KCNC3: variants seen among roughly 807,000 people sequenced by gnomAD.
The protein encoded by KCNC3 is voltage-gated potassium channel KCNC3.
A neutral mutation model predicts 43.9 loss-of-function variants in KCNC3; 22 were observed. That is an observed-to-expected ratio of 0.50 (90% CI 0.36 to 0.72). KCNC3 has a LOEUF of 0.72. KCNC3 is among the 30% of genes least tolerant of loss of function. The pLI, the probability that KCNC3 is intolerant of heterozygous loss-of-function variation, is 0.00. For missense variants in KCNC3, 829 were observed against 1,073.8 expected (o/e 0.77, Z 3.19); for synonymous variants, 492 against 488.0 (o/e 1.01, Z -0.11).
intron 4 of KCNC3, 78 bp from the exon 5 acceptor site, chr19:50,316,169 TG>T (rs1030298138): frequency 5.6e-6 from 2 of 357,806 alleles, no homozygotes; most frequent in Non-Finnish European, 5.2e-6. Flanking sequence ...GCCTCACTGT[TG>T]GGGGGATGGA....
Position 50,313,001 on chromosome 19 carries a change from C to G in KCNC3, c.*3114G>C, listed in dbSNP as rs2036899964. ...GCATCGAGAATCGTGCTCAGTGACG[C>G]CCCCCATCCACCCTCGGGTGGGGGG... On this transcript the variant is annotated 3_prime_UTR_variant, in exon 5 of 5. Coordinates refer to ENST00000477616, the MANE Select transcript of KCNC3 (RefSeq NM_004977.3). 2 of 152,028 alleles carry G rather than the reference C, an allele frequency of 1.3e-5. No homozygotes were observed. The highest frequency in any genetic ancestry group is 2.9e-5 in the Non-Finnish European group (2 of 68,000). 9.4% of individuals were successfully genotyped at this position (152,028 alleles called of 1,614,324 possible).
chr19:50,323,944 T>A lies in KCNC3; in HGVS notation c.1009A>T (p.Ile337Phe), dbSNP rs1029753390. Reference protein sequence around the residue: ...SPIPGAPPENITNVEVETEPF... With the variant: ...SPIPGAPPENFTNVEVETEPF... The stretch of plus-strand genomic sequence containing the variant: ...TCCGTCTCCACCTCCACGTTGGTGA[T>A]GTTCTCCGGAGGTGCCCCGGGGATC... The change falls in exon 2 of 5, where the codon ATC becomes TTC. Residue 337 changes from isoleucine to phenylalanine, a missense_variant. Transcript: ENST00000477616. 6.2e-7 allele frequency: 1 copy of A among 1,614,044 alleles called. No homozygotes were observed. The highest frequency in any genetic ancestry group is 1.3e-5 in the African/African-American group (1 of 74,918).
chr19:50,318,969 A>G (rs925099713), intron 4 of KCNC3, among the ~76,000 whole-genome samples: 12 of 128,110 alleles, frequency 9.4e-5, no homozygotes, highest in Non-Finnish European at 1.6e-4. Flanking sequence ...ACTCCAGCCC[A>G]GGTGACATAG....
chr19:50,320,324 G>A lies in KCNC3; in HGVS notation c.2196C>T (p.Pro732=), dbSNP rs375488867. The A allele has an allele frequency of 1.4e-3, 614 of 433,202 alleles. 3 individuals are homozygous for A. The highest frequency in any genetic ancestry group is 0.012 in the African/African-American group (522 of 43,792). 26.8% of individuals were successfully genotyped at this position (433,202 alleles called of 1,614,324 possible). Residue 732 remains proline, a synonymous_variant, in exon 4 of 5, where the codon CCC becomes CCT. Coordinates refer to ENST00000477616, the MANE Select transcript of KCNC3 (RefSeq NM_004977.3). ...GGGGGCCTGGCTTACGCCAGTCTTG[G>A]GGGGGCAGTGGGGGAGCACCAGTGG... ...RKATGAPPLP[P]QDWRKPGPPS...
rs1403069648 is a variant in KCNC3, at chr19:50,328,967, T to G, written c.116A>C (p.Gln39Pro). The G allele has an allele frequency of 1.4e-5, 14 of 970,898 alleles. 1 individual carries two copies. The Admixed American group carries it at 1.6e-4, about 11-fold the overall frequency. The allele number at this position is 970,898 out of a possible 1,614,324, so 60.1% of individuals were successfully genotyped here. Reference protein sequence around the residue: ...ESPPPPPLPPQQQQPAQPGPA... With the variant: ...ESPPPPPLPPPQQQPAQPGPA... ...GCCGGGCTGCGCAGGCTGCTGCTGC[T>G]GCGGCGGCAGCGGTGGCGGCGGCGG... The change falls in exon 1 of 5, where the codon CAG becomes CCG. Residue 39 changes from glutamine to proline, a missense_variant. By Grantham distance (76) the Gln-to-Pro change is moderately conservative. Around this residue, in one of 7 missense-constraint regions of KCNC3, gnomAD observed 129 missense variants for 83.6 expected, o/e 1.54. Coordinates refer to ENST00000477616, the MANE Select transcript of KCNC3 (RefSeq NM_004977.3).
intron 4 of KCNC3, among the ~76,000 whole-genome samples, chr19:50,318,064 G>C (rs2036979140): frequency 6.6e-6 from 1 of 151,284 alleles, no homozygotes; most frequent in Non-Finnish European, 1.5e-5. Flanking sequence ...AAGTGCTGGG[G>C]TTATAGGCGG....
rs1410448238 is a variant in KCNC3, at chr19:50,322,864, C to T, written c.1978+111G>A. On this transcript the variant is annotated intron_variant, in intron 2 of 4. Transcript: ENST00000477616. Reference sequence around the variant, plus strand: ...GAGCTCCTGCTGTTGGTTTTTTTCTCCCTCACCTCTTCGACGCCAACCACC... The same window carrying T: ...GAGCTCCTGCTGTTGGTTTTTTTCTTCCTCACCTCTTCGACGCCAACCACC... 17 of 1,147,146 alleles carry T rather than the reference C, an allele frequency of 1.5e-5. No individual in the cohort carries two copies. The South Asian group carries it at 2.0e-4, about 14-fold the overall frequency. The allele number at this position is 1,147,146 out of a possible 1,614,324, so 71.1% of individuals were successfully genotyped here.
Position 50,324,347 on chromosome 19 carries a change from T to C in KCNC3, c.871-265A>G, listed in dbSNP as rs1173603941. Reference sequence around the variant, plus strand: ...CGCAGCAGATGGGCAGCTTCTTTCCTTGGAAACATTTCTGGCCCCTTGCTG... The same window carrying C: ...CGCAGCAGATGGGCAGCTTCTTTCCCTGGAAACATTTCTGGCCCCTTGCTG... On this transcript the variant is annotated intron_variant, in intron 1 of 4. Transcript: ENST00000477616. This position sits in a 1 kb window ranked among gnomAD's most constrained non-coding sequence, Gnocchi z 4.1. Among the ~76,000 whole-genome samples the C allele has an allele frequency of 3.3e-5, 5 of 152,208 alleles. No individual in the cohort carries two copies. Among genetic ancestry groups the C allele is most frequent in the African/African-American group, 1.2e-4 (5 of 41,464 alleles).
rs113602424 is a variant in KCNC3, at chr19:50,324,588, C to T, written c.871-506G>A. On this transcript the variant is annotated intron_variant, in intron 1 of 4. Transcript: ENST00000477616. This position sits in a 1 kb window ranked among gnomAD's most constrained non-coding sequence, Gnocchi z 4.1. Reference sequence around the variant, plus strand: ...GAATCGTGAGGTGGTTAAGAGTCGGCGAGCCTGGGCATGAATCTGGCTTTT... The same window carrying T: ...GAATCGTGAGGTGGTTAAGAGTCGGTGAGCCTGGGCATGAATCTGGCTTTT... 8.5e-5 allele frequency among the ~76,000 whole-genome samples: 13 copies of T among 152,146 alleles called. No individual in the cohort carries two copies. Among genetic ancestry groups the T allele is most frequent in the Admixed American group, 1.3e-4 (2 of 15,268 alleles).
chr19:50,317,421 C>T (rs2036971658), intron 4 of KCNC3, among the ~76,000 whole-genome samples: 1 of 152,104 alleles, frequency 6.6e-6, no homozygotes. Context: ...ATGGCATCTC[C>T]TTAGGCTGTG....
At position 50,313,140 on chromosome 19, in the gene KCNC3, A is replaced by AG. The variant is rs940251589; in HGVS notation, c.*2974dup. Reference sequence around the variant, plus strand: ...CCGGTGTGGTCTCTGGGCTTGGGGGAGGTAGCGCATCCTTGAGCCAGGATA... The same window carrying AG: ...CCGGTGTGGTCTCTGGGCTTGGGGGAGGGTAGCGCATCCTTGAGCCAGGATA... On this transcript the variant is annotated 3_prime_UTR_variant, in exon 5 of 5. Coordinates refer to ENST00000477616, the MANE Select transcript of KCNC3 (RefSeq NM_004977.3). 5 of 151,710 alleles carry AG rather than the reference A, an allele frequency of 3.3e-5. No individual in the cohort carries two copies. Among genetic ancestry groups the AG allele is most frequent in the African/African-American group, 1.2e-4 (5 of 41,338 alleles). The allele number at this position is 151,710 out of a possible 1,614,324, so 9.4% of individuals were successfully genotyped here. A position where few individuals can be genotyped will look rare whatever the true frequency, so the allele number is the denominator to read the frequency against.
rs569225021 is a variant in KCNC3 at position 50,321,186 on chromosome 19, A to G, written c.1979-402T>C. On this transcript the variant is annotated intron_variant, in intron 2 of 4. Coordinates refer to ENST00000477616, the MANE Select transcript of KCNC3 (RefSeq NM_004977.3). Reference sequence around the variant, plus strand: ...GATGCTGTTTAAAGATATGGTCTGGAGCTGGCCACATTGGCTCATGCCTAT... The same window carrying G: ...GATGCTGTTTAAAGATATGGTCTGGGGCTGGCCACATTGGCTCATGCCTAT... Among the ~76,000 whole-genome samples the G allele has an allele frequency of 1.5e-4, 23 of 152,016 alleles. No individual in the cohort carries two copies. The South Asian group carries it at 4.8e-3, about 32-fold the overall frequency.
At position 50,329,039 on chromosome 19, in the gene KCNC3, C is replaced by T. The variant is rs1385849306; in HGVS notation, c.44G>A (p.Gly15Glu). The T allele has an allele frequency of 4.4e-6, 6 of 1,350,716 alleles. No individual in the cohort carries two copies. The South Asian group carries it at 8.8e-5, about 20-fold the overall frequency. 83.7% of individuals were successfully genotyped at this position (1,350,716 alleles called of 1,614,324 possible). ...VCVSSFRGRQGASKQQPAPPP... is the reference protein window; with the variant it reads ...VCVSSFRGRQEASKQQPAPPP... ...TGGCGCCGGCTGCTGCTTGCTGGCCCCCTGGCGCCCGCGGAAGGACGAGAC... is the reference window on the plus strand; with the variant it reads ...TGGCGCCGGCTGCTGCTTGCTGGCCTCCTGGCGCCCGCGGAAGGACGAGAC... The change falls in exon 1 of 5, where the codon GGG becomes GAG. Residue 15 changes from glycine to glutamate, a missense_variant. Physicochemically the swap from Gly to Glu is moderately conservative, Grantham distance 98. This residue lies in a region of KCNC3 where 129 missense variants were observed against 83.6 expected (regional missense o/e 1.54). Transcript: ENST00000477616.
At chr19:50,332,637 T>G (rs2123556702), upstream of KCNC3, among the ~76,000 whole-genome samples, 1 of 152,188 alleles carries the variant, frequency 6.6e-6, no homozygotes, top group South Asian at 2.1e-4. This position sits in a 1 kb window ranked among gnomAD's most constrained non-coding sequence, Gnocchi z 5.8. Flanking sequence ...GGGCTCCAAA[T>G]ACTGGACACT....
In KCNC3 at chr19:50,314,912, G is replaced by A. The variant is rs879300084; in HGVS notation, c.*1203C>T. ...GCGGGCGGCCCGGGGAGAGCCAGGGGGGGTGGCAAGGGGCGCGAGGCGCAG... is the reference window on the plus strand; with the variant it reads ...GCGGGCGGCCCGGGGAGAGCCAGGGAGGGTGGCAAGGGGCGCGAGGCGCAG... On this transcript the variant is annotated 3_prime_UTR_variant, in exon 5 of 5. Coordinates refer to ENST00000477616, the MANE Select transcript of KCNC3 (RefSeq NM_004977.3). The A allele has an allele frequency of 1.9e-5, 6 of 310,068 alleles. No homozygotes were observed. Among genetic ancestry groups the A allele is most frequent in the Admixed American group, 4.8e-5 (1 of 20,734 alleles). The allele number at this position is 310,068 out of a possible 1,614,324, so 19.2% of individuals were successfully genotyped here.
chr19:50,317,103 A>G (rs909635954), intron 4 of KCNC3, among the ~76,000 whole-genome samples: 2 of 146,100 alleles, frequency 1.4e-5, no homozygotes, highest in Non-Finnish European at 3.0e-5. Context: ...GGGGTGGGGA[A>G]CAGAGGAAGG....
In KCNC3 at chr19:50,314,763, T is replaced by A. The variant is rs188091593; in HGVS notation, c.*1352A>T. On this transcript the variant is annotated 3_prime_UTR_variant, in exon 5 of 5. Coordinates refer to ENST00000477616, the MANE Select transcript of KCNC3 (RefSeq NM_004977.3). ...TTATTAATGACTTTTTGATTTTTTT[T>A]AAAAAAACCCTTTTCCCCACCCCCC... 3,959 of 435,184 alleles carry A rather than the reference T, an allele frequency of 9.1e-3. 29 individuals carry two copies. The highest frequency in any genetic ancestry group is 0.013 in the Middle Eastern group (21 of 1,636). The allele number at this position is 435,184 out of a possible 1,614,324, so 27.0% of individuals were successfully genotyped here. A position where few individuals can be genotyped will look rare whatever the true frequency, so the allele number is the denominator to read the frequency against.
rs2037077921 is a variant in KCNC3 at position 50,324,448 on chromosome 19, C to T, written c.871-366G>A. On this transcript the variant is annotated intron_variant, in intron 1 of 4. Coordinates refer to ENST00000477616, the MANE Select transcript of KCNC3 (RefSeq NM_004977.3). The surrounding 1 kb of genome is among the most constrained non-coding windows in gnomAD (Gnocchi z 4.1). ...GGCCCCCCAGCAGGGTCCACGGGTTCTGCTGTGGGACGGGAGCCGCCAGGC... is the reference window on the plus strand; with the variant it reads ...GGCCCCCCAGCAGGGTCCACGGGTTTTGCTGTGGGACGGGAGCCGCCAGGC... Among the ~76,000 whole-genome samples, 1 of 152,124 alleles carries T rather than the reference C, an allele frequency of 6.6e-6. No individual in the cohort carries two copies. Among genetic ancestry groups the T allele is most frequent in the Admixed American group, 6.5e-5 (1 of 15,276 alleles).
In KCNC3 at chr19:50,323,359, C is replaced by A; in HGVS notation, c.1594G>T (p.Ala532Ser). ...LCALAGVLTI[A>S]MPVPVIVNNF... The stretch of plus-strand genomic sequence containing the variant: ...TTGACAATGACGGGCACAGGCATGG[C>A]GATGGTCAGCACCCCCGCCAGGGCA... Residue 532 changes from alanine to serine, a missense_variant, in exon 2 of 5, where the codon GCC (alanine) becomes TCC (serine). Ala to Ser is a moderately conservative substitution (Grantham distance 99, BLOSUM62 1). Around this residue, in one of 7 missense-constraint regions of KCNC3, gnomAD observed 33 missense variants for 96.0 expected, o/e 0.34. Transcript: ENST00000477616. 1 of 1,614,116 alleles carries A rather than the reference C, an allele frequency of 6.2e-7. No homozygotes were observed.
Sources: gnomAD v4.1 joint callset for allele counts (sites outside exome capture counted in the v4.1 genomes callset) on GRCh38, gnomAD v4.1.1 for gene constraint, gnomAD v4.1.1 regional missense constraint, Gnocchi (gnomAD v3.1) non-coding constraint, MANE v1.5 for transcripts, NCBI Gene and HGNC (gene_info 2026-07-23, HGNC 2026-07-21) for gene names.